The following SCN1A variants were observed in gnomAD, a reference collection of about 807,000 sequenced individuals.
SCN1A encodes sodium channel protein type 1 subunit alpha.
A neutral mutation model predicts 193.7 loss-of-function variants in SCN1A; 13 were observed. The ratio of observed to expected loss-of-function variants is 0.07; its 90% CI spans 0.04 to 0.11. SCN1A has a LOEUF of 0.11. SCN1A is among the 10% of genes least tolerant of loss of function. The pLI is 1.00. For missense variants in SCN1A, 1,432 were observed against 2,451.1 expected (o/e 0.58, Z 8.78); for synonymous variants, 781 against 843.6 (o/e 0.93, Z 1.29).
intron 4 of SCN1A, among the ~76,000 whole-genome samples, chr2:166,073,073 C>T (rs1302719846): frequency 6.6e-6 from 1 of 152,064 alleles, no homozygotes; most frequent in Non-Finnish European, 1.5e-5. Flanking sequence ...CTCTTAACCT[C>T]GTGATCTGCC....
At chr2:166,068,205 T>G (rs887738549) in intron 4 of SCN1A, among the ~76,000 whole-genome samples, 43 of 152,336 alleles carry the variant, frequency 2.8e-4, no homozygotes, top group African/African-American at 9.4e-4. Flanking sequence ...ACATTTCCTT[T>G]ATTTTTCCCC....
chr2:166,057,955 C>T (rs16822821), intron 5 of SCN1A, among the ~76,000 whole-genome samples: 27,732 of 151,828 alleles, frequency 0.18, 2,875 homozygotes, highest in East Asian at 0.33. Flanking sequence ...CATTAACTTC[C>T]GGAGTCTTTA....
intron 17 of SCN1A, 98 bp downstream of exon 17, chr2:166,039,325 C>A: frequency 8.1e-7 from 1 of 1,232,536 alleles, no homozygotes; most frequent in Non-Finnish European, 1.2e-6. Context: ...ACTTACAATG[C>A]TAATGGTTGT....
At chr2:166,027,626 A>G (rs912235638) in intron 19 of SCN1A, among the ~76,000 whole-genome samples, 3 of 151,278 alleles carry the variant, frequency 2.0e-5, no homozygotes, top group African/African-American at 7.3e-5. Context: ...TTTAACATAC[A>G]CATGTATATA....
At chr2:166,014,279 T>C (rs1356487600) in intron 20 of SCN1A, among the ~76,000 whole-genome samples, 2 of 151,714 alleles carry the variant, frequency 1.3e-5, no homozygotes, top group African/African-American at 4.8e-5. Flanking sequence ...ACTTCCCTTT[T>C]ATAAAGGATA....
At chr2:166,070,779 AT>A (rs1018678739) in intron 4 of SCN1A, among the ~76,000 whole-genome samples, 5 of 151,804 alleles carry the variant, frequency 3.3e-5, no homozygotes, top group African/African-American at 7.2e-5. Flanking sequence ...GAAAAAAAAG[AT>A]TGATTGGTTG....
intron 1 of SCN1A, among the ~76,000 whole-genome samples, chr2:166,135,456 C>T (rs954970218): frequency 9.2e-5 from 14 of 152,298 alleles, no homozygotes; most frequent in Admixed American, 3.9e-4. Flanking sequence ...ATTGACTTTA[C>T]CAGGAGCACA....
intron 1 of SCN1A, among the ~76,000 whole-genome samples, chr2:166,142,835 T>A (rs977767755): frequency 2.0e-5 from 3 of 152,210 alleles, no homozygotes. Context: ...CATACTGTTC[T>A]AGTAAGTGAA....
chr2:166,140,469 G>A (rs570394380), intron 1 of SCN1A, among the ~76,000 whole-genome samples: 2 of 152,266 alleles, frequency 1.3e-5, no homozygotes, highest in South Asian at 2.1e-4. Context: ...GGCAGGGTGG[G>A]AGGGAGGCAA....
intron 26 of SCN1A, among the ~76,000 whole-genome samples, chr2:165,997,567 G>A (rs532903628): frequency 6.8e-4 from 103 of 151,160 alleles, no homozygotes; most frequent in African/African-American, 2.4e-3. Flanking sequence ...AAAGAAATGG[G>A]AATATATAAA....
At chr2:166,079,805 A>T (rs1226272377) in intron 2 of SCN1A, among the ~76,000 whole-genome samples, 1 of 151,504 alleles carries the variant, frequency 6.6e-6, no homozygotes, top group Non-Finnish European at 1.5e-5. Context: ...TATAATTATA[A>T]ATTAGTTAGA....
chr2:166,040,044 G>A (rs1031444194), intron 16 of SCN1A, among the ~76,000 whole-genome samples: 16 of 149,688 alleles, frequency 1.1e-4, no homozygotes, highest in Admixed American at 1.0e-3. Flanking sequence ...TCAGCCTCCC[G>A]AGTAGCTGGG....
chr2:166,086,254 G>C (rs907202211), intron 2 of SCN1A, among the ~76,000 whole-genome samples: 1 of 151,916 alleles, frequency 6.6e-6, no homozygotes, highest in African/African-American at 2.4e-5. Flanking sequence ...CACTGACATG[G>C]ACCAACCACC....
intron 1 of SCN1A, among the ~76,000 whole-genome samples, chr2:166,138,235 C>T (rs1691941470): frequency 6.6e-6 from 1 of 152,204 alleles, no homozygotes; most frequent in African/African-American, 2.4e-5. Context: ...GAAAGTCAAG[C>T]TAGCTGCAGA....
At chr2:166,035,954 A>T in intron 19 of SCN1A, 94 bp downstream of exon 19, 2 of 1,310,138 alleles carry the variant, frequency 1.5e-6, no homozygotes, top group Non-Finnish European at 2.1e-6. Context: ...AAAAAATCTT[A>T]AGTCAAAACA....
In SCN1A at chr2:165,992,440, G is replaced by A; in HGVS notation, c.4853-18C>T. ...AAACATACCTATGAATAAACAATGA[G>A]AATACCAACCAGTGAAGAAATCATG... On this transcript the variant is annotated intron_variant, in intron 28 of 28. Coordinates refer to ENST00000674923, the MANE Select transcript of SCN1A (RefSeq NM_001165963.4). This position sits in a 1 kb window ranked among gnomAD's most constrained non-coding sequence, Gnocchi z 6.5. The A allele has an allele frequency of 6.2e-7, 1 of 1,612,536 alleles. No individual in the cohort carries two copies. The highest frequency in any genetic ancestry group is 8.5e-7 in the Non-Finnish European group (1 of 1,179,074).
chr2:166,041,728 A>G (rs1697214573), intron 15 of SCN1A, among the ~76,000 whole-genome samples: 1 of 152,192 alleles, frequency 6.6e-6, no homozygotes, highest in Non-Finnish European at 1.5e-5. Flanking sequence ...CTTGGCCTCA[A>G]GTTAAATGAG....
intron 2 of SCN1A, among the ~76,000 whole-genome samples, chr2:166,079,785 A>T (rs141062737): frequency 1.7e-3 from 258 of 151,578 alleles, no homozygotes; most frequent in Non-Finnish European, 1.1e-3. Flanking sequence ...ATCAGTTCAA[A>T]CGTATTATAT....
At chr2:165,994,528 C>A in intron 27 of SCN1A, 112 bp from the exon 28 acceptor site, 1 of 945,340 alleles carries the variant, frequency 1.1e-6, no homozygotes, top group Non-Finnish European at 1.6e-6. Context: ...TAGTCATTGG[C>A]CCTGATTTTT....
Sources: allele counts gnomAD v4.1 joint callset (sites outside exome capture counted in the v4.1 genomes callset), GRCh38; gene constraint gnomAD v4.1.1; non-coding constraint Gnocchi (gnomAD v3.1); transcripts MANE v1.5; gene names NCBI Gene and HGNC (gene_info 2026-07-23, HGNC 2026-07-21).